The following TMEM154 variants were observed in gnomAD, a reference collection of about 807,000 sequenced individuals.
TMEM154 encodes the protein transmembrane protein 154.
A neutral mutation model predicts 24.5 loss-of-function variants in TMEM154; 27 were observed. The ratio of observed to expected loss-of-function variants is 1.10; its 90% confidence interval spans 0.81 to 1.52. TMEM154 has a LOEUF of 1.52. Ranked by LOEUF, TMEM154 falls within the 40% of genes most tolerant of loss-of-function variation. The probability of loss-of-function intolerance (pLI) is 0.00; values close to 1 mark genes in which losing one functional copy is unlikely to be tolerated. For missense variants in TMEM154, 228 were observed against 213.4 expected (o/e 1.07, Z -0.43); for synonymous variants, 67 against 76.8 (o/e 0.87, Z 0.67).
rs1751947063 is a variant in TMEM154 at position 152,628,017 on chromosome 4, T to G, written c.*529A>C. The G allele has an allele frequency of 6.2e-6, 1 of 161,732 alleles. No homozygotes were observed. The highest frequency in any genetic ancestry group is 2.4e-5 in the African/African-American group (1 of 41,506). 10.0% of individuals were successfully genotyped at this position (161,732 alleles called of 1,614,324 possible). On this transcript the variant is annotated 3_prime_UTR_variant, in exon 7 of 7. Transcript: ENST00000304385. The stretch of plus-strand genomic sequence containing the variant: ...ATGGTGTATTCATTAAAATACTTGC[T>G]GTGTTTGGTGTCTTTTCCATGACAT...
intron 6 of TMEM154, among the ~76,000 whole-genome samples, chr4:152,629,842 A>T (rs1751999467): frequency 6.6e-6 from 1 of 152,210 alleles, no homozygotes; most frequent in South Asian, 2.1e-4. Flanking sequence ...AAATAGGTAG[A>T]TAAGTAGATA....
intron 1 of TMEM154, among the ~76,000 whole-genome samples, chr4:152,654,063 G>C (rs1728443579): frequency 6.6e-6 from 1 of 151,714 alleles, no homozygotes; most frequent in Non-Finnish European, 1.5e-5. Context: ...AAAGAAAAAA[G>C]AAAAGGAAAA....
chr4:152,678,465 C>T (rs1415243868), intron 1 of TMEM154, among the ~76,000 whole-genome samples: 1 of 145,052 alleles, frequency 6.9e-6, no homozygotes, highest in Non-Finnish European at 1.5e-5. Flanking sequence ...CTTTTCTTCC[C>T]TGATGTCCTA....
chr4:152,628,935 GCA>G (rs1339819537), intron 6 of TMEM154, among the ~76,000 whole-genome samples: 6 of 151,990 alleles, frequency 3.9e-5, no homozygotes, highest in Admixed American at 1.3e-4. Flanking sequence ...GTGAGCCACT[GCA>G]CCCGGCCAAC....
intron 1 of TMEM154, chr4:152,666,938 G>A (rs1728733148): frequency 6.6e-6 from 1 of 152,342 alleles, no homozygotes; most frequent in Non-Finnish European, 1.5e-5. Context: ...ATGGACTGCA[G>A]ACAGTGCTAC....
rs544465529 is a variant in TMEM154 at position 152,632,881 on chromosome 4, A to G, written c.537-4320T>C. ...TCTTATCTCATCTCACCTGCAAAAC[A>G]TACATAACATACCATGAGCTTTATT... is the stretch of plus-strand genomic sequence containing the variant. On this transcript the variant is annotated intron_variant, in intron 6 of 6. Coordinates refer to ENST00000304385, the MANE Select transcript of TMEM154 (RefSeq NM_152680.3). Among the ~76,000 whole-genome samples, 11 of 152,212 alleles carry G rather than the reference A, an allele frequency of 7.2e-5. No homozygotes were observed. The East Asian group carries it at 2.1e-3, about 29-fold the overall frequency.
chr4:152,639,137 G>A (rs989032401), intron 6 of TMEM154, among the ~76,000 whole-genome samples: 1 of 152,130 alleles, frequency 6.6e-6, no homozygotes, highest in Non-Finnish European at 1.5e-5. Context: ...TTTTAGTAGA[G>A]ATGGAGTTTT....
intron 4 of TMEM154, 135 bp from the exon 5 acceptor site, chr4:152,643,308 G>A (rs949382161): frequency 9.2e-6 from 6 of 652,596 alleles, no homozygotes; most frequent in Non-Finnish European, 1.6e-5. Flanking sequence ...AAGCCTGGGG[G>A]CTTGCCCTAT....
At chr4:152,645,980 G>C (rs993890181) in intron 3 of TMEM154, among the ~76,000 whole-genome samples, 12 of 116,652 alleles carry the variant, frequency 1.0e-4, no homozygotes, top group South Asian at 3.1e-4. Flanking sequence ...CACACACACA[G>C]ACACCACAAA....
intron 6 of TMEM154, among the ~76,000 whole-genome samples, chr4:152,636,962 G>A (rs932134221): frequency 6.6e-6 from 1 of 152,178 alleles, no homozygotes; most frequent in Non-Finnish European, 1.5e-5. Context: ...CAATGACAGA[G>A]GAAGAATCAT....
At chr4:152,629,089 C>T (rs913234007) in intron 6 of TMEM154, among the ~76,000 whole-genome samples, 14 of 152,180 alleles carry the variant, frequency 9.2e-5, no homozygotes, top group African/African-American at 3.4e-4. Flanking sequence ...ATATCTGATC[C>T]CTGAGGAAGA....
intron 1 of TMEM154, among the ~76,000 whole-genome samples, chr4:152,676,671 C>G (rs1728957677): frequency 6.6e-6 from 1 of 152,196 alleles, no homozygotes; most frequent in Admixed American, 6.5e-5. Flanking sequence ...CAGGAAACAG[C>G]AGATGTCAGC....
chr4:152,649,960 C>A (rs1188817945), intron 3 of TMEM154, among the ~76,000 whole-genome samples: 4 of 152,188 alleles, frequency 2.6e-5, no homozygotes, highest in Non-Finnish European at 5.9e-5. Flanking sequence ...TCTACAGAGA[C>A]AATGTATATA....
At chr4:152,657,218 T>G (rs1348380966) in intron 1 of TMEM154, among the ~76,000 whole-genome samples, 2 of 149,094 alleles carry the variant, frequency 1.3e-5, no homozygotes, top group African/African-American at 5.0e-5. Context: ...TAGAAAACCT[T>G]TTTAATGAAA....
chr4:152,637,525 A>G (rs946167846), intron 6 of TMEM154, among the ~76,000 whole-genome samples: 3 of 152,036 alleles, frequency 2.0e-5, no homozygotes, highest in African/African-American at 4.8e-5. Context: ...AGCATGGGCA[A>G]CAAGAATGAA....
chr4:152,661,872 C>T (rs1030725122), intron 1 of TMEM154, among the ~76,000 whole-genome samples: 5 of 152,188 alleles, frequency 3.3e-5, no homozygotes, highest in Admixed American at 2.0e-4. Flanking sequence ...AAGTAACCAC[C>T]GTTTCTGCTC....
rs536145024 is a variant in TMEM154, at chr4:152,664,372, C to T, written c.65-11445G>A. ...GGGAACAACACACACTGGGGCCTGT[C>T]GTGGCGGGGGGGTACAAGGGGAGGG... On this transcript the variant is annotated intron_variant, in intron 1 of 6. Coordinates refer to ENST00000304385, the MANE Select transcript of TMEM154 (RefSeq NM_152680.3). Among the ~76,000 whole-genome samples the T allele has an allele frequency of 2.0e-4, 25 of 123,456 alleles. 1 individual carries two copies. In the East Asian group the frequency reaches 5.4e-3, roughly 27 times the overall value. 81.0% of individuals were successfully genotyped at this position (123,456 alleles called of 152,430 possible). A position where few individuals can be genotyped will look rare whatever the true frequency, so the allele number is the denominator to read the frequency against.
chr4:152,641,602 G>A (rs3936131), intron 5 of TMEM154, among the ~76,000 whole-genome samples: 9,244 of 150,082 alleles, frequency 0.062, 362 homozygotes, highest in Non-Finnish European at 0.089. Flanking sequence ...GGCACAAAAC[G>A]TAATACAACA....
chr4:152,650,819 G>A (rs567077380), intron 3 of TMEM154, among the ~76,000 whole-genome samples: 5 of 152,292 alleles, frequency 3.3e-5, no homozygotes, highest in East Asian at 3.9e-4. Context: ...GCATGAAAAC[G>A]TTAGTCTCCT....
Sources: allele counts gnomAD v4.1 joint callset (sites outside exome capture counted in the v4.1 genomes callset), GRCh38; gene constraint gnomAD v4.1.1; transcripts MANE v1.5; gene names NCBI Gene and HGNC (gene_info 2026-07-23, HGNC 2026-07-21).